The following ERC2 variants were observed in gnomAD, a reference collection of about 807,000 sequenced individuals.
ERC2 encodes the protein ELKS/RAB6-interacting/CAST family member 2.
A neutral mutation model predicts 114.8 loss-of-function variants in ERC2; 42 were observed. The ratio of observed to expected loss-of-function variants is 0.37; its 90% confidence interval spans 0.29 to 0.47. ERC2 has a LOEUF of 0.47. Among genes scored for constraint, ERC2 ranks in the 20% least tolerant of loss-of-function variants. The pLI, the probability that ERC2 is intolerant of heterozygous loss-of-function variation, is 0.99. For missense variants in ERC2, 939 were observed against 1,150.7 expected (o/e 0.82, Z 2.66); for synonymous variants, 454 against 425.5 (o/e 1.07, Z -0.82).
At chr3:55,550,754 C>G (rs1022046994) in intron 17 of ERC2, among the ~76,000 whole-genome samples, 1 of 152,086 alleles carries the variant, frequency 6.6e-6, no homozygotes, top group African/African-American at 2.4e-5. Context: ...CAGTGGCTCA[C>G]GCCTATAATC....
At chr3:56,197,525 G>T (rs1409658296) in intron 3 of ERC2, among the ~76,000 whole-genome samples, 1 of 152,154 alleles carries the variant, frequency 6.6e-6, no homozygotes, top group African/African-American at 2.4e-5. Context: ...GTCCAGTTGT[G>T]TACACAGTGA....
At chr3:56,309,425 A>G (rs2056413194) in intron 2 of ERC2, among the ~76,000 whole-genome samples, 1 of 152,216 alleles carries the variant, frequency 6.6e-6, no homozygotes, top group Non-Finnish European at 1.5e-5. Context: ...TTACAGACCA[A>G]TACTCTAAGG....
intron 2 of ERC2, among the ~76,000 whole-genome samples, chr3:56,371,657 G>A (rs2059367388): frequency 6.6e-6 from 1 of 152,198 alleles, no homozygotes; most frequent in African/African-American, 2.4e-5. Flanking sequence ...CAGTGAGGCA[G>A]TACATTCTCA....
At chr3:55,649,550 G>A (rs995275213) in intron 17 of ERC2, among the ~76,000 whole-genome samples, 13 of 152,184 alleles carry the variant, frequency 8.5e-5, no homozygotes, top group African/African-American at 2.9e-4. Context: ...GTGAGCCACC[G>A]CACCTGGCCA....
chr3:55,537,744 C>G (rs1472273324), intron 17 of ERC2, among the ~76,000 whole-genome samples: 3 of 152,176 alleles, frequency 2.0e-5, no homozygotes, highest in Non-Finnish European at 4.4e-5. Context: ...GCCTTAGAAA[C>G]CAAAGTCCTG....
At chr3:55,588,365 T>A (rs2057701950) in intron 17 of ERC2, among the ~76,000 whole-genome samples, 1 of 152,110 alleles carries the variant, frequency 6.6e-6, no homozygotes, top group African/African-American at 2.4e-5. Flanking sequence ...TTGGAGCATT[T>A]TTCCAAGAGA....
chr3:55,783,631 G>C (rs1345917481), intron 14 of ERC2, among the ~76,000 whole-genome samples: 3 of 152,208 alleles, frequency 2.0e-5, no homozygotes, highest in Admixed American at 6.5e-5. Context: ...TAAATTCAGA[G>C]AGATTGATGG....
chr3:55,625,249 C>A (rs905868253), intron 17 of ERC2, among the ~76,000 whole-genome samples: 2 of 151,710 alleles, frequency 1.3e-5, no homozygotes, highest in Non-Finnish European at 2.9e-5. Flanking sequence ...TGCCTGTAAT[C>A]CCAGCTACTT....
intron 16 of ERC2, 136 bp from the exon 17 acceptor site, chr3:55,683,995 A>G (rs2062193604): frequency 1.1e-6 from 1 of 938,718 alleles, no homozygotes; most frequent in Admixed American, 3.4e-5. Flanking sequence ...TCAAGACTGA[A>G]GAAAAAAATC....
intron 10 of ERC2, among the ~76,000 whole-genome samples, chr3:56,004,898 T>C (rs1176218025): frequency 6.6e-6 from 1 of 152,038 alleles, no homozygotes; most frequent in Non-Finnish European, 1.5e-5. Flanking sequence ...TTTCCATGAG[T>C]AAATGATGTG....
intron 14 of ERC2, among the ~76,000 whole-genome samples, chr3:55,775,110 C>T (rs2149035430): frequency 6.6e-6 from 1 of 152,312 alleles, no homozygotes; most frequent in East Asian, 1.9e-4. Context: ...GTCCTCCTGC[C>T]TTTAATCTCC....
intron 12 of ERC2, among the ~76,000 whole-genome samples, chr3:55,953,624 A>C (rs1247703223): frequency 2.6e-5 from 4 of 152,182 alleles, no homozygotes. Context: ...CCTCACTACC[A>C]GATAACCCCT....
At chr3:56,182,426 A>G (rs1221139420) in intron 3 of ERC2, among the ~76,000 whole-genome samples, 1 of 152,338 alleles carries the variant, frequency 6.6e-6, no homozygotes, top group African/African-American at 2.4e-5. Flanking sequence ...TGGAAGTCCT[A>G]CAGTACTTTC....
chr3:56,262,453 T>C (rs1332995316), intron 3 of ERC2, among the ~76,000 whole-genome samples: 1 of 152,190 alleles, frequency 6.6e-6, no homozygotes, highest in Non-Finnish European at 1.5e-5. Context: ...TAGCAATGTA[T>C]TAAAGAGGCA....
At chr3:56,094,736 T>C (rs180798340) in intron 6 of ERC2, among the ~76,000 whole-genome samples, 3 of 152,156 alleles carry the variant, frequency 2.0e-5, no homozygotes, top group Admixed American at 6.5e-5. Flanking sequence ...CCATGAACAA[T>C]AATGAGGGAG....
At chr3:56,229,122 C>T (rs2050442269) in intron 3 of ERC2, among the ~76,000 whole-genome samples, 1 of 152,120 alleles carries the variant, frequency 6.6e-6, no homozygotes, top group Admixed American at 6.5e-5. Flanking sequence ...TACCAAGTGC[C>T]AGGCATTATT....
At chr3:56,099,623 A>C (rs2078245449) in intron 6 of ERC2, among the ~76,000 whole-genome samples, 1 of 152,210 alleles carries the variant, frequency 6.6e-6, no homozygotes, top group South Asian at 2.1e-4. Flanking sequence ...CACAGTGGGC[A>C]GACAGGACAC....
chr3:55,606,289 A>G (rs1203788525), intron 17 of ERC2, among the ~76,000 whole-genome samples: 3 of 152,214 alleles, frequency 2.0e-5, no homozygotes, highest in African/African-American at 7.2e-5. Context: ...ATATAGGGCT[A>G]GTGAAATCTC....
intron 13 of ERC2, among the ~76,000 whole-genome samples, chr3:55,891,132 C>T (rs2063578047): frequency 6.6e-6 from 1 of 152,216 alleles, no homozygotes; most frequent in Non-Finnish European, 1.5e-5. Flanking sequence ...TAGGACCCCA[C>T]ATCCCCTCAC....
Sources: gnomAD v4.1 joint callset for allele counts (sites outside exome capture counted in the v4.1 genomes callset) on GRCh38, gnomAD v4.1.1 for gene constraint, MANE v1.5 for transcripts, NCBI Gene and HGNC (gene_info 2026-07-23, HGNC 2026-07-21) for gene names.